The following ARHGEF3 variants were observed in gnomAD, a reference collection of about 807,000 sequenced individuals.
ARHGEF3 encodes the protein 59.8 kDA protein.
In ARHGEF3, 28 loss-of-function variants were observed where a neutral mutation model predicts 63.2. The observed-to-expected ratio is 0.44, with a 90% CI of 0.33 to 0.61. ARHGEF3 has a LOEUF of 0.61. Among genes scored for constraint, ARHGEF3 ranks in the 20% least tolerant of loss-of-function variants. The pLI is 0.03. For synonymous variants in ARHGEF3, 266 were observed against 254.2 expected, an observed-to-expected ratio of 1.05 and a Z score of -0.44; for missense variants, 533 against 659.3, an observed-to-expected ratio of 0.81 and a Z score of 2.10.
intron 4 of ARHGEF3, among the ~76,000 whole-genome samples, chr3:56,808,123 CA>C (rs201541052): frequency 0.32 from 37,122 of 114,646 alleles, 4,864 homozygotes; most frequent in East Asian, 0.45. Flanking sequence ...GACTCTGTCT[CA>C]AAAAAAAAAA....
chr3:56,915,885 A>G (rs1030389807), intron 3 of ARHGEF3, among the ~76,000 whole-genome samples: 3 of 152,206 alleles, frequency 2.0e-5, no homozygotes, highest in Non-Finnish European at 4.4e-5. Context: ...AACAAAACAG[A>G]AGGCAGATGC....
intron 1 of ARHGEF3, chr3:56,774,881 C>A: frequency 1.2e-6 from 1 of 866,292 alleles, no homozygotes; most frequent in Middle Eastern, 3.0e-4. Flanking sequence ...GACAGAGACT[C>A]TGTGTCAAAA....
intron 2 of ARHGEF3, among the ~76,000 whole-genome samples, chr3:57,019,017 G>A (rs1290730318): frequency 6.6e-6 from 1 of 152,148 alleles, no homozygotes; most frequent in Non-Finnish European, 1.5e-5. Flanking sequence ...CATGAAATGA[G>A]GGATGAGAAT....
chr3:56,977,634 C>T (rs1416645504), intron 2 of ARHGEF3, among the ~76,000 whole-genome samples: 1 of 152,062 alleles, frequency 6.6e-6, no homozygotes, highest in South Asian at 2.1e-4. Context: ...GGAGATGGGG[C>T]TCATGGAGAG....
rs576332582 is a variant in ARHGEF3, at chr3:56,755,014, C to T, written c.342G>A (p.Gln114=). Residue 114 remains glutamine, a synonymous_variant, in exon 3 of 10, where the codon CAG becomes CAA. Transcript: ENST00000296315. Reference sequence around the variant, plus strand: ...GTTTGATTTCCTTGGATGTAAGCATCTGATTGACGCACACATCGAAGGTCT... The same window carrying T: ...GTTTGATTTCCTTGGATGTAAGCATTTGATTGACGCACACATCGAAGGTCT... ...WSETFDVCVN[Q]MLTSKEIKRQ... The T allele has an allele frequency of 1.2e-6, 2 of 1,614,098 alleles. No homozygotes were observed. The highest frequency in any genetic ancestry group is 1.1e-5 in the South Asian group (1 of 91,094).
At chr3:56,817,355 C>G (rs2038311584) in intron 4 of ARHGEF3, among the ~76,000 whole-genome samples, 1 of 152,102 alleles carries the variant, frequency 6.6e-6, no homozygotes, top group Admixed American at 6.5e-5. Flanking sequence ...TCTTCAAAAC[C>G]CAGGAACCAA....
chr3:56,765,475 G>A (rs2035652186), intron 2 of ARHGEF3, among the ~76,000 whole-genome samples: 1 of 152,166 alleles, frequency 6.6e-6, no homozygotes, highest in Non-Finnish European at 1.5e-5. Flanking sequence ...AAATAAGTTA[G>A]TTATAGAAAA....
intron 3 of ARHGEF3, among the ~76,000 whole-genome samples, chr3:56,912,016 G>C (rs2041867063): frequency 6.6e-6 from 1 of 151,568 alleles, no homozygotes; most frequent in East Asian, 1.9e-4. Context: ...TTCATAAGCA[G>C]AATAAAGTAG....
chr3:56,767,090 G>T (rs1371020667), intron 2 of ARHGEF3, among the ~76,000 whole-genome samples: 1 of 150,696 alleles, frequency 6.6e-6, no homozygotes, highest in Non-Finnish European at 1.5e-5. Flanking sequence ...TGGTAGGACT[G>T]CTTGAGGCCA....
intron 8 of ARHGEF3, among the ~76,000 whole-genome samples, chr3:56,735,418 C>T (rs13319627): frequency 0.15 from 23,196 of 151,968 alleles, 2,022 homozygotes; most frequent in South Asian, 0.38. Context: ...TTCACAATGA[C>T]GTTTACAACT....
intron 2 of ARHGEF3, among the ~76,000 whole-genome samples, chr3:56,772,345 G>A (rs576834489): frequency 2.6e-5 from 4 of 152,332 alleles, no homozygotes; most frequent in Non-Finnish European, 5.9e-5. Context: ...AGGCAGGCAA[G>A]GACAGAAAGG....
chr3:56,998,794 T>A (rs1702084222), intron 2 of ARHGEF3, among the ~76,000 whole-genome samples: 1 of 152,218 alleles, frequency 6.6e-6, no homozygotes, highest in Non-Finnish European at 1.5e-5. Context: ...GGAAGGTATG[T>A]CCACATGTTT....
intron 2 of ARHGEF3, among the ~76,000 whole-genome samples, chr3:57,015,401 G>A (rs1002056640): frequency 6.6e-6 from 1 of 152,084 alleles, no homozygotes; most frequent in African/African-American, 2.4e-5. Context: ...CCTTAGAAAG[G>A]TGTATGTGCT....
chr3:56,806,418 T>C (rs2037863622), upstream of ARHGEF3, among the ~76,000 whole-genome samples: 2 of 152,270 alleles, frequency 1.3e-5, no homozygotes, highest in African/African-American at 4.8e-5. Context: ...AACACTGCTC[T>C]AACAGGCAGC....
intron 3 of ARHGEF3, among the ~76,000 whole-genome samples, chr3:56,921,054 C>CAAAA (rs34087284): frequency 2.8e-4 from 17 of 60,658 alleles, no homozygotes; most frequent in African/African-American, 4.4e-4. Context: ...GACTCCATCT[C>CAAAA]AAAAAAAAAA....
At chr3:56,997,589 C>G (rs1343999456) in intron 2 of ARHGEF3, among the ~76,000 whole-genome samples, 1 of 152,218 alleles carries the variant, frequency 6.6e-6, no homozygotes, top group African/African-American at 2.4e-5. Context: ...CCGCGCAGAT[C>G]TACCCCGGGC....
chr3:57,055,882 A>G (rs1163574413), intron 1 of ARHGEF3, among the ~76,000 whole-genome samples: 1 of 152,220 alleles, frequency 6.6e-6, no homozygotes, highest in Non-Finnish European at 1.5e-5. Flanking sequence ...CCATAAGTCC[A>G]TTTTGACAAC....
intron 3 of ARHGEF3, among the ~76,000 whole-genome samples, chr3:56,884,761 T>G (rs62251069): frequency 0.017 from 2,657 of 152,362 alleles, 41 homozygotes; most frequent in Non-Finnish European, 0.026. Context: ...TCCTTACTGA[T>G]TCACCATCCA....
chr3:56,969,272 C>T (rs1476145417), intron 2 of ARHGEF3, among the ~76,000 whole-genome samples: 1 of 113,730 alleles, frequency 8.8e-6, no homozygotes, highest in Admixed American at 1.1e-4. Context: ...TAACTAGAGA[C>T]GAGATCGAAA....
Sources: gnomAD v4.1 joint callset for allele counts (sites outside exome capture counted in the v4.1 genomes callset) on GRCh38, gnomAD v4.1.1 for gene constraint, MANE v1.5 for transcripts, NCBI Gene and HGNC (gene_info 2026-07-23, HGNC 2026-07-21) for gene names.